The following ARHGAP10 variants were observed in gnomAD, a reference collection of about 807,000 sequenced individuals.
The protein encoded by ARHGAP10 is rho GTPase-activating protein 10.
A neutral mutation model predicts 108.6 loss-of-function variants in ARHGAP10; 87 were observed. The observed-to-expected ratio is 0.80, with a 90% CI of 0.67 to 0.96. The LOEUF (loss-of-function observed/expected upper bound fraction) is 0.96. Among genes scored for constraint, ARHGAP10 ranks in the 40% least tolerant of loss-of-function variants. The pLI, the probability that ARHGAP10 is intolerant of heterozygous loss-of-function variation, is 0.00. For missense variants in ARHGAP10, 939 were observed against 954.5 expected, an observed-to-expected ratio of 0.98 and a Z score of 0.21; for synonymous variants, 347 against 341.1, an observed-to-expected ratio of 1.02 and a Z score of -0.19.
intron 3 of ARHGAP10, among the ~76,000 whole-genome samples, chr4:147,829,136 T>A (rs1230141627): frequency 6.6e-6 from 1 of 151,852 alleles, no homozygotes; most frequent in Non-Finnish European, 1.5e-5. Context: ...ACTGCACCCC[T>A]GCCTCCTGGG....
intron 3 of ARHGAP10, among the ~76,000 whole-genome samples, chr4:147,845,388 G>A (rs1030313432): frequency 2.0e-5 from 3 of 152,150 alleles, no homozygotes; most frequent in Non-Finnish European, 4.4e-5. Flanking sequence ...GGCTGTGCTT[G>A]TTTTGTTCAT....
chr4:147,750,994 A>G (rs1578999020), intron 1 of ARHGAP10, among the ~76,000 whole-genome samples: 1 of 151,344 alleles, frequency 6.6e-6, no homozygotes, highest in East Asian at 2.0e-4. Context: ...CCTGATCAAC[A>G]TGGTGAAACC....
chr4:147,984,181 G>A (rs905936544), intron 18 of ARHGAP10, among the ~76,000 whole-genome samples: 4 of 152,084 alleles, frequency 2.6e-5, no homozygotes, highest in Admixed American at 6.5e-5. Context: ...AGTAGATGGC[G>A]CTTAAGAGTA....
intron 4 of ARHGAP10, among the ~76,000 whole-genome samples, chr4:147,857,083 C>G (rs574239326): frequency 2.2e-4 from 33 of 152,266 alleles, no homozygotes; most frequent in African/African-American, 7.5e-4. Flanking sequence ...AACTCCTGAC[C>G]TCAGGTGATC....
chr4:147,871,532 A>C (rs987071682), intron 7 of ARHGAP10, among the ~76,000 whole-genome samples: 4 of 152,240 alleles, frequency 2.6e-5, no homozygotes, highest in Non-Finnish European at 4.4e-5. Flanking sequence ...GGAAATGTTT[A>C]ATTACTAAAG....
chr4:147,778,682 T>A (rs1186972370), intron 1 of ARHGAP10, among the ~76,000 whole-genome samples: 1 of 152,222 alleles, frequency 6.6e-6, no homozygotes, highest in East Asian at 1.9e-4. Flanking sequence ...TTAGAGTATT[T>A]CTTAACACAT....
Position 147,837,643 on chromosome 4 carries a change from G to GTTTTTTTTTTTTTT in ARHGAP10, c.313-9502_313-9489dup, listed in dbSNP as rs59933316. 1.7e-4 allele frequency among the ~76,000 whole-genome samples: 12 copies of GTTTTTTTTTTTTTT among 70,234 alleles called. 1 individual carries two copies. Among genetic ancestry groups the GTTTTTTTTTTTTTT allele is most frequent in the African/African-American group, 3.1e-4 (8 of 25,504 alleles). The allele number at this position is 70,234 out of a possible 152,430, so 46.1% of individuals were successfully genotyped here. A position where few individuals can be genotyped will look rare whatever the true frequency, so the allele number is the denominator to read the frequency against. On this transcript the variant is annotated intron_variant, in intron 3 of 22. Coordinates refer to ENST00000336498, the MANE Select transcript of ARHGAP10 (RefSeq NM_024605.4). The stretch of plus-strand genomic sequence containing the variant: ...CACCTCGCTAGAATCTCTGGTCACT[G>GTTTTTTTTTTTTTT]TTTTTTTTTTTTTTTTTTTAAAGCA...
At chr4:147,899,159 A>G (rs966574419) in intron 10 of ARHGAP10, among the ~76,000 whole-genome samples, 1 of 152,166 alleles carries the variant, frequency 6.6e-6, no homozygotes, top group African/African-American at 2.4e-5. Context: ...GGGCGGGTTC[A>G]GACTCTCTGT....
chr4:147,921,028 T>C (rs565902080), intron 13 of ARHGAP10, among the ~76,000 whole-genome samples: 35 of 152,304 alleles, frequency 2.3e-4, no homozygotes, highest in Admixed American at 7.8e-4. Context: ...AAAAAGTAAA[T>C]ATGAAAACTA....
intron 1 of ARHGAP10, among the ~76,000 whole-genome samples, chr4:147,764,884 T>C (rs1005450740): frequency 2.6e-5 from 4 of 152,172 alleles, no homozygotes; most frequent in Admixed American, 2.0e-4. Flanking sequence ...GCTGAGGAGC[T>C]GTAAGTTTAT....
At chr4:147,929,001 G>A (rs560926523) in intron 13 of ARHGAP10, among the ~76,000 whole-genome samples, 9 of 152,294 alleles carry the variant, frequency 5.9e-5, no homozygotes, top group Admixed American at 2.0e-4. Flanking sequence ...CTAGAAGGTG[G>A]CAGAGTTGGA....
intron 18 of ARHGAP10, among the ~76,000 whole-genome samples, chr4:148,014,939 GT>G (rs1741293436): frequency 6.6e-6 from 1 of 152,152 alleles, no homozygotes; most frequent in African/African-American, 2.4e-5. Flanking sequence ...TTTAGTTTTA[GT>G]TGTAAACCTA....
intron 13 of ARHGAP10, chr4:147,916,473 G>A (rs1736987704): frequency 6.6e-6 from 1 of 152,204 alleles, no homozygotes; most frequent in African/African-American, 2.4e-5. Context: ...ACCGGAAAAA[G>A]TTTTTAGCTT....
intron 1 of ARHGAP10, among the ~76,000 whole-genome samples, chr4:147,748,484 CA>C (rs1479515956): frequency 6.6e-6 from 1 of 152,142 alleles, no homozygotes; most frequent in East Asian, 1.9e-4. Context: ...TGTATACTTA[CA>C]ATTTTCCTAA....
chr4:148,034,106 G>A (rs539617182), intron 19 of ARHGAP10, among the ~76,000 whole-genome samples: 1 of 152,246 alleles, frequency 6.6e-6, no homozygotes, highest in South Asian at 2.1e-4. Flanking sequence ...GAACAACTGA[G>A]TTAATGGATG....
chr4:147,850,682 C>T (rs906070503), intron 4 of ARHGAP10, among the ~76,000 whole-genome samples: 4 of 152,144 alleles, frequency 2.6e-5, no homozygotes, highest in Admixed American at 6.5e-5. Flanking sequence ...TGCGAGGGTC[C>T]GCGGCTTCGT....
At chr4:148,049,822 T>G (rs1729046197) in intron 20 of ARHGAP10, among the ~76,000 whole-genome samples, 1 of 97,614 alleles carries the variant, frequency 1.0e-5, no homozygotes, top group Non-Finnish European at 2.1e-5. Flanking sequence ...GTTTGTTTGT[T>G]TTTTTTGGGT....
chr4:147,936,344 T>C (rs7694157), intron 13 of ARHGAP10, among the ~76,000 whole-genome samples: 110,586 of 117,622 alleles, frequency 0.94, 52,009 homozygotes, highest in East Asian at 0.97. Context: ...TTTTTTGAGA[T>C]GGAGTCTTGC....
At chr4:147,866,906 C>G (rs1409757943) in intron 7 of ARHGAP10, 90 bp downstream of exon 7, 2 of 1,103,360 alleles carry the variant, frequency 1.8e-6, no homozygotes, top group African/African-American at 1.6e-5. Flanking sequence ...TAAATGAAGA[C>G]AATGCTGATC....
Sources: allele counts gnomAD v4.1 joint callset (sites outside exome capture counted in the v4.1 genomes callset), GRCh38; gene constraint gnomAD v4.1.1; transcripts MANE v1.5; gene names NCBI Gene and HGNC (gene_info 2026-07-23, HGNC 2026-07-21).